Variants in DAB1 observed in about 807,000 individuals in gnomAD.
DAB1 encodes DAB adaptor protein 1, also known as disabled homolog 1.
A neutral mutation model predicts 64.6 loss-of-function variants in DAB1; 15 were observed. That is an observed-to-expected ratio of 0.23 (90% CI 0.16 to 0.36). The LOEUF (loss-of-function observed/expected upper bound fraction) is 0.36. Among genes scored for constraint, DAB1 ranks in the 10% least tolerant of loss-of-function variants. DAB1 has a pLI of 1.00. For missense variants in DAB1, 596 were observed against 706.7 expected (o/e 0.84, Z 1.78); for synonymous variants, 235 against 251.9 (o/e 0.93, Z 0.64).
chr1:57,177,984 A>G (rs1163533957), intron 2 of DAB1, among the ~76,000 whole-genome samples: 1 of 152,140 alleles, frequency 6.6e-6, no homozygotes, highest in Non-Finnish European at 1.5e-5. Flanking sequence ...ATGTTTATAA[A>G]AACCTGAGAA....
intron 4 of DAB1, among the ~76,000 whole-genome samples, chr1:58,328,741 G>C (rs769874951): frequency 2.6e-5 from 4 of 152,058 alleles, no homozygotes; most frequent in Non-Finnish European, 4.4e-5. Flanking sequence ...AAGTAGCTGA[G>C]ATTCCAGGCA....
chr1:57,583,290 CTTTTTTTT>C (rs34464140), intron 7 of DAB1, among the ~76,000 whole-genome samples: 1 of 136,372 alleles, frequency 7.3e-6, no homozygotes, highest in Non-Finnish European at 1.6e-5. Flanking sequence ...TTTTTCTTTT[CTTTTTTTT>C]TTTTTTTTGA....
Position 58,117,409 on chromosome 1 carries a change from A to G in DAB1, n.387+33102T>C, listed in dbSNP as rs1027885743. Among the ~76,000 whole-genome samples the G allele has an allele frequency of 2.0e-5, 3 of 152,238 alleles. No individual in the cohort carries two copies. The South Asian group carries it at 6.2e-4, about 32-fold the overall frequency. ...CTTAAGTGATATGATATGGTTGCCCATATTAGGTTCAGGACTGACCTAATT... is the reference window on the plus strand; with the variant it reads ...CTTAAGTGATATGATATGGTTGCCCGTATTAGGTTCAGGACTGACCTAATT... On this transcript the variant is annotated intron_variant and non_coding_transcript_variant, in intron 5 of 20. Coordinates refer to the DAB1 transcript ENST00000485760.
chr1:57,143,387 G>A (rs147790400), intron 3 of DAB1, among the ~76,000 whole-genome samples: 17 of 152,016 alleles, frequency 1.1e-4, no homozygotes, highest in South Asian at 2.1e-4. Context: ...TTTGAACTTG[G>A]GAGAAGAAAG....
At chr1:57,029,863 G>T (rs985271291) in intron 9 of DAB1, among the ~76,000 whole-genome samples, 1 of 152,208 alleles carries the variant, frequency 6.6e-6, no homozygotes, top group African/African-American at 2.4e-5. Flanking sequence ...ATCATAGGCA[G>T]AAGGGACTTG....
intron 5 of DAB1, among the ~76,000 whole-genome samples, chr1:58,034,883 C>A (rs1312403249): frequency 6.6e-6 from 1 of 152,202 alleles, no homozygotes; most frequent in African/African-American, 2.4e-5. Flanking sequence ...GCAAAACAGC[C>A]ATCAACGATT....
chr1:57,095,712 A>G (rs967664831), intron 4 of DAB1, among the ~76,000 whole-genome samples: 4 of 152,118 alleles, frequency 2.6e-5, no homozygotes. Flanking sequence ...TGAGGAGGGA[A>G]CTTTGGAGTG....
rs1241601354 is a variant in DAB1 at position 56,996,175 on chromosome 1, A to G, written c.*1969T>C. 1 of 152,216 alleles carries G rather than the reference A, an allele frequency of 6.6e-6. No homozygotes were observed. The highest frequency in any genetic ancestry group is 2.4e-5 in the African/African-American group (1 of 41,458). 9.4% of individuals were successfully genotyped at this position (152,216 alleles called of 1,614,324 possible). On this transcript the variant is annotated 3_prime_UTR_variant, in exon 15 of 15. Transcript: ENST00000371236. ...ATCATTTTTCAAATGAATCTCCCAA[A>G]TCATTTTAGTTTCTATTGATATGAA...
chr1:57,048,766 C>T (rs1648845660), intron 9 of DAB1, among the ~76,000 whole-genome samples: 1 of 152,148 alleles, frequency 6.6e-6, no homozygotes, highest in South Asian at 2.1e-4. Context: ...AGGCATGTTT[C>T]ATTTGAATAA....
intron 7 of DAB1, among the ~76,000 whole-genome samples, chr1:57,431,772 A>G (rs1371804438): frequency 6.6e-6 from 1 of 152,132 alleles, no homozygotes; most frequent in Admixed American, 6.5e-5. Context: ...TTTTTCACTC[A>G]TAAAGTGGAG....
chr1:58,108,892 GGT>G (rs1651814122), intron 5 of DAB1, among the ~76,000 whole-genome samples: 1 of 152,162 alleles, frequency 6.6e-6, no homozygotes, highest in Non-Finnish European at 1.5e-5. Flanking sequence ...TTTAGAGAGA[GGT>G]GTCTTTTGGG....
chr1:58,238,955 A>G (rs759629565), intron 4 of DAB1, among the ~76,000 whole-genome samples: 30 of 152,156 alleles, frequency 2.0e-4, no homozygotes, highest in Non-Finnish European at 4.1e-4. Context: ...CATAGAGAGT[A>G]ACTTCTGGGG....
At chr1:57,279,396 T>C (rs977851110) in intron 2 of DAB1, among the ~76,000 whole-genome samples, 2 of 152,224 alleles carry the variant, frequency 1.3e-5, no homozygotes, top group Non-Finnish European at 2.9e-5. Flanking sequence ...AATTGTTGTA[T>C]TTTTTGCCTA....
At position 57,065,221 on chromosome 1, in the gene DAB1, C is replaced by T. The variant is rs1232075767; in HGVS notation, c.664-2278G>A. On this transcript the variant is annotated intron_variant, in intron 8 of 14. Coordinates refer to ENST00000371236, the MANE Select transcript of DAB1 (RefSeq NM_001365792.1). ...CTGGGATATCTTCTTGGAAGCCTCA[C>T]TTGATTCTCTAGGCCTTGTTTGGAG... 7.9e-5 allele frequency among the ~76,000 whole-genome samples: 12 copies of T among 152,198 alleles called. 1 individual carries two copies. The highest frequency in any genetic ancestry group is 2.1e-4 in the South Asian group (1 of 4,828).
At chr1:58,089,729 T>C (rs9782929) in intron 5 of DAB1, among the ~76,000 whole-genome samples, 4,479 of 152,212 alleles carry the variant, frequency 0.029, 204 homozygotes, top group African/African-American at 0.1. Context: ...TTTATGAAAC[T>C]GAAATTACAC....
At chr1:58,023,780 T>C (rs1484810749) in intron 5 of DAB1, among the ~76,000 whole-genome samples, 3 of 152,218 alleles carry the variant, frequency 2.0e-5, no homozygotes, top group Non-Finnish European at 2.9e-5. Flanking sequence ...AACACATAAA[T>C]TGCCTTGGAC....
At chr1:58,165,260 G>A (rs1278270491) in intron 4 of DAB1, among the ~76,000 whole-genome samples, 1 of 152,156 alleles carries the variant, frequency 6.6e-6, no homozygotes, top group Non-Finnish European at 1.5e-5. Flanking sequence ...ACCTGCTCTG[G>A]TTTTCTACAT....
chr1:58,243,364 T>A (rs557255313), intron 4 of DAB1, among the ~76,000 whole-genome samples: 1 of 152,198 alleles, frequency 6.6e-6, no homozygotes, highest in Admixed American at 6.5e-5. Flanking sequence ...ATTAAAAGCC[T>A]ATGAATAGAA....
chr1:58,050,785 T>C (rs1286539869), intron 5 of DAB1, among the ~76,000 whole-genome samples: 1 of 152,134 alleles, frequency 6.6e-6, no homozygotes, highest in Non-Finnish European at 1.5e-5. Context: ...CGCCTCGGCC[T>C]CCCAAAGTGC....
Sources: gnomAD v4.1 joint callset for allele counts (sites outside exome capture counted in the v4.1 genomes callset) on GRCh38, gnomAD v4.1.1 for gene constraint, MANE v1.5 for transcripts, NCBI Gene and HGNC (gene_info 2026-07-23, HGNC 2026-07-21) for gene names.